The following ABTB3 variants were observed in gnomAD, a reference collection of about 807,000 sequenced individuals.
The protein encoded by ABTB3 is ankyrin repeat- and BTB/POZ domain-containing protein 3.
At chr12:107,490,353 C>T in the ABTB3 span, among the ~76,000 whole-genome samples, 1 of 152,170 alleles carries the variant, frequency 6.6e-6, no homozygotes, top group Non-Finnish European at 1.5e-5. Flanking sequence ...ATCATTGTGA[C>T]TGGAAATATC....
At chr12:107,589,827 T>G in the ABTB3 span, among the ~76,000 whole-genome samples, 1 of 152,208 alleles carries the variant, frequency 6.6e-6, no homozygotes, top group African/African-American at 2.4e-5. Flanking sequence ...AATAAATAAT[T>G]GTTGAATGAA....
the ABTB3 span, among the ~76,000 whole-genome samples, chr12:107,449,850 A>G: frequency 6.6e-6 from 1 of 151,754 alleles, no homozygotes; most frequent in Non-Finnish European, 1.5e-5. Flanking sequence ...ACTTTGTTTC[A>G]TCACTCGTCT....
chr12:107,565,097 C>G, the ABTB3 span, among the ~76,000 whole-genome samples: 1 of 152,160 alleles, frequency 6.6e-6, no homozygotes, highest in Non-Finnish European at 1.5e-5. Flanking sequence ...ATAGCAAGAC[C>G]GAGAGAGGCT....
chr12:107,483,992 A>G, the ABTB3 span, among the ~76,000 whole-genome samples: 3 of 152,296 alleles, frequency 2.0e-5, no homozygotes, highest in Admixed American at 6.5e-5. Flanking sequence ...ATGCTCAGCC[A>G]GGCTGTTTAT....
the ABTB3 span, among the ~76,000 whole-genome samples, chr12:107,445,547 C>A: frequency 1.3e-5 from 2 of 152,164 alleles, no homozygotes; most frequent in Non-Finnish European, 2.9e-5. Flanking sequence ...TGTATTAATA[C>A]AAACAGCACT....
chr12:107,572,184 A>G, the ABTB3 span, among the ~76,000 whole-genome samples: 1 of 152,094 alleles, frequency 6.6e-6, no homozygotes. Flanking sequence ...ACAAAGAAGG[A>G]GAAAGTAATG....
At chr12:107,576,171 G>A in the ABTB3 span, among the ~76,000 whole-genome samples, 1 of 152,162 alleles carries the variant, frequency 6.6e-6, no homozygotes, top group African/African-American at 2.4e-5. Context: ...CCCCTCTACT[G>A]AAGACTGAAA....
the ABTB3 span, among the ~76,000 whole-genome samples, chr12:107,474,775 C>G: frequency 6.6e-6 from 1 of 152,006 alleles, no homozygotes; most frequent in African/African-American, 2.4e-5. Flanking sequence ...CTTAAGGCAG[C>G]AGATGCCCTG....
chr12:107,506,003 A>G, the ABTB3 span, among the ~76,000 whole-genome samples: 9 of 152,162 alleles, frequency 5.9e-5, no homozygotes, highest in Admixed American at 2.0e-4. Flanking sequence ...ATATGCATGC[A>G]TGTGTCTTTA....
the ABTB3 span, among the ~76,000 whole-genome samples, chr12:107,596,133 A>C: frequency 3.3e-5 from 5 of 152,374 alleles, no homozygotes; most frequent in South Asian, 1.0e-3. Context: ...GAATGAATTA[A>C]TGAAGATTTC....
At chr12:107,510,440 C>T in the ABTB3 span, among the ~76,000 whole-genome samples, 1 of 151,902 alleles carries the variant, frequency 6.6e-6, no homozygotes, top group Non-Finnish European at 1.5e-5. Context: ...CCATAACCAC[C>T]CCCACACAGG....
chr12:107,629,362 G>A, the ABTB3 span, among the ~76,000 whole-genome samples: 1 of 152,208 alleles, frequency 6.6e-6, no homozygotes, highest in Admixed American at 6.5e-5. Flanking sequence ...GGTCAGGGTT[G>A]CAGTGAGCTG....
the ABTB3 span, among the ~76,000 whole-genome samples, chr12:107,441,774 C>CAAAAAAAAAAAAAAAAAAAAAAAA: frequency 6.2e-5 from 5 of 80,044 alleles, no homozygotes; most frequent in African/African-American, 2.8e-4. Context: ...CTTGTCTCTA[C>CAAAAAAAAAAAAAAAAAAAAAAAA]AAAAAAAAAA....
the ABTB3 span, among the ~76,000 whole-genome samples, chr12:107,452,577 G>A: frequency 2.0e-5 from 3 of 152,128 alleles, no homozygotes; most frequent in African/African-American, 2.4e-5. Context: ...CAGGCCAGGC[G>A]CAGTGGCTCA....
At chr12:107,481,883 G>GTCTCTCCC in the ABTB3 span, among the ~76,000 whole-genome samples, 1 of 108,242 alleles carries the variant, frequency 9.2e-6, no homozygotes, top group African/African-American at 3.6e-5. Flanking sequence ...GAAATCAAGA[G>GTCTCTCCC]TCTCTCTCTC....
chr12:107,567,479 A>G, the ABTB3 span, among the ~76,000 whole-genome samples: 1 of 152,184 alleles, frequency 6.6e-6, no homozygotes, highest in Non-Finnish European at 1.5e-5. Context: ...AATACTTCCC[A>G]TTGTGTTACA....
chr12:107,420,821 G>C, the ABTB3 span, among the ~76,000 whole-genome samples: 1 of 152,170 alleles, frequency 6.6e-6, no homozygotes, highest in Non-Finnish European at 1.5e-5. Flanking sequence ...ACCCAGCTGA[G>C]TATTGACTTT....
the ABTB3 span, among the ~76,000 whole-genome samples, chr12:107,555,992 A>T: frequency 6.6e-6 from 1 of 152,162 alleles, no homozygotes; most frequent in Non-Finnish European, 1.5e-5. Flanking sequence ...CATCATCATC[A>T]TCACCATCTC....
At chr12:107,619,907 G>A in the ABTB3 span, 2 of 1,353,838 alleles carry the variant, frequency 1.5e-6, no homozygotes, top group Non-Finnish European at 2.0e-6. Context: ...AAACTCGCCT[G>A]CTCCTCTGGT....
Sources: gnomAD v4.1 joint callset for allele counts (sites outside exome capture counted in the v4.1 genomes callset) on GRCh38, gnomAD v4.1.1 for gene constraint, MANE v1.5 for transcripts, NCBI Gene and HGNC (gene_info 2026-07-23, HGNC 2026-07-21) for gene names.